ACO2: variants seen among roughly 807,000 people sequenced by gnomAD.
ACO2 encodes aconitase 2.
ACO2 carries 31 observed loss-of-function variants against 84.5 expected under a neutral mutation model. The observed-to-expected ratio is 0.37, with a 90% CI of 0.28 to 0.50. The LOEUF is 0.50. Ranked by LOEUF, ACO2 falls within the 20% of genes least tolerant of loss-of-function variation. The pLI is 0.97. For missense variants in ACO2, 685 were observed against 1,029.3 expected, an observed-to-expected ratio of 0.67 and a Z score of 4.58; for synonymous variants, 414 against 412.7, an observed-to-expected ratio of 1.00 and a Z score of -0.04.
intron 2 of ACO2, among the ~76,000 whole-genome samples, chr22:41,501,035 A>T (rs1229032708): frequency 6.7e-6 from 1 of 148,850 alleles, no homozygotes; most frequent in African/African-American, 2.5e-5. Context: ...ACAGGGTCTC[A>T]CTCTCTTGCC....
chr22:41,497,688 G>T (rs960641685), intron 1 of ACO2, among the ~76,000 whole-genome samples: 1 of 151,836 alleles, frequency 6.6e-6, no homozygotes, highest in African/African-American at 2.4e-5. Flanking sequence ...TTCAAGACTA[G>T]CCTGACCAAT....
In ACO2 at chr22:41,515,867, G is replaced by A; in HGVS notation, c.785G>A (p.Gly262Asp). 6.2e-7 allele frequency: 1 copy of A among 1,614,222 alleles called. No individual in the cohort carries two copies. Among genetic ancestry groups the A allele is most frequent in the Non-Finnish European group, 8.5e-7 (1 of 1,180,044 alleles). ...ATCCTCACGGTGAAAGGTGGCACAG[G>A]TGCAATCGTGGAATACCACGGGCCT... Reference protein sequence around the residue: ...AGILTVKGGTGAIVEYHGPGV... With the variant: ...AGILTVKGGTDAIVEYHGPGV... The change falls in exon 6 of 18, where the codon GGT becomes GAT. Residue 262 changes from glycine to aspartate, a missense_variant. Transcript: ENST00000216254. The surrounding 1 kb of genome is among the most constrained non-coding windows in gnomAD (Gnocchi z 5.8).
chr22:41,507,685 G>T (rs1345625085), intron 2 of ACO2, 106 bp from the exon 3 acceptor site: 6 of 1,479,016 alleles, frequency 4.1e-6, no homozygotes, highest in Non-Finnish European at 5.5e-6. Context: ...CAGACTCCCT[G>T]TCCCTGGCCA....
chr22:41,469,262 G>A, intron 1 of ACO2, 80 bp downstream of exon 1: 1 of 1,527,340 alleles, frequency 6.5e-7, no homozygotes. Context: ...GAGGCAGGGC[G>A]AGGCGGGCCC....
chr22:41,504,286 G>C (rs2146111318), intron 2 of ACO2, among the ~76,000 whole-genome samples: 1 of 152,328 alleles, frequency 6.6e-6, no homozygotes, highest in East Asian at 1.9e-4. Flanking sequence ...CAGGGGACTT[G>C]CTGGGCGACT....
chr22:41,523,232 A>C lies in ACO2; in HGVS notation c.1324A>C (p.Ile442Leu). The C allele has an allele frequency of 6.2e-7, 1 of 1,613,170 alleles. No individual in the cohort carries two copies. Among genetic ancestry groups the C allele is most frequent in the Non-Finnish European group, 8.5e-7 (1 of 1,179,572 alleles). ...ACAGATCTTGAGGGATCTGGGTGGC[A>C]TTGTCCTGGCCAATGCTTGTGGCCC... The part of the protein sequence containing the change: ...YAQILRDLGG[I>L]VLANACGPCI... Residue 442 changes from isoleucine to leucine, a missense_variant, in exon 11 of 18, where the codon ATT becomes CTT. Ile to Leu is a conservative substitution (Grantham distance 5). Around this residue, in one of 5 missense-constraint regions of ACO2, gnomAD observed 311 missense variants for 441.6 expected, o/e 0.70. Coordinates refer to ENST00000216254, the MANE Select transcript of ACO2 (RefSeq NM_001098.3).
At chr22:41,511,821 G>C in intron 3 of ACO2, 55 bp from the exon 4 acceptor site, 5 of 1,406,292 alleles carry the variant, frequency 3.6e-6, no homozygotes, top group Non-Finnish European at 4.9e-6. Context: ...CTTGGTGAGG[G>C]TCACCTGGAC....
At chr22:41,512,543 G>A (rs571763422) in intron 4 of ACO2, among the ~76,000 whole-genome samples, 36 of 152,256 alleles carry the variant, frequency 2.4e-4, no homozygotes, top group Middle Eastern at 6.8e-3. Context: ...GGGCTGGTCT[G>A]GAGCGAGTGC....
chr22:41,500,449 A>G (rs7286459), intron 2 of ACO2, among the ~76,000 whole-genome samples: 6,793 of 151,096 alleles, frequency 0.045, 494 homozygotes, highest in African/African-American at 0.15. Flanking sequence ...CAGTGGTGCA[A>G]TCTTGGCTCA....
Position 41,524,459 on chromosome 22 carries a change from A to G in ACO2, c.1483-387A>G, listed in dbSNP as rs1020158741. Among the ~76,000 whole-genome samples, 41 of 152,100 alleles carry G rather than the reference A, an allele frequency of 2.7e-4. 1 individual carries two copies. The highest frequency in any genetic ancestry group is 1.9e-4 in the East Asian group (1 of 5,172). On this transcript the variant is annotated intron_variant, in intron 12 of 17. Coordinates refer to ENST00000216254, the MANE Select transcript of ACO2 (RefSeq NM_001098.3). ...TTGTTTATCTGCGTGTTCTACAAAT[A>G]TGTCTTGCTAAATGGGTGAAGGAAT...
In ACO2 at chr22:41,478,848, G is replaced by A. The variant is rs1317055480; in HGVS notation, c.36+9666G>A. ...GTGAGTGACACGATCTCTGCTCACT[G>A]CAACCTTTGCCTCTGGGGCTCAAGC... On this transcript the variant is annotated intron_variant, in intron 1 of 17. Transcript: ENST00000216254. Among the ~76,000 whole-genome samples, 3 of 146,836 alleles carry A rather than the reference G, an allele frequency of 2.0e-5. No individual in the cohort carries two copies. In the South Asian group the frequency reaches 6.4e-4, roughly 31 times the overall value.
At chr22:41,514,474 TG>T (rs1880061634) in intron 4 of ACO2, among the ~76,000 whole-genome samples, 1 of 152,136 alleles carries the variant, frequency 6.6e-6, no homozygotes, top group Non-Finnish European at 1.5e-5. Context: ...CCGAGAGAAG[TG>T]ACTTGTCCAT....
At chr22:41,503,314 G>A (rs562047973) in intron 2 of ACO2, among the ~76,000 whole-genome samples, 2 of 151,178 alleles carry the variant, frequency 1.3e-5, no homozygotes, top group East Asian at 1.9e-4. Flanking sequence ...TAGTACAGAC[G>A]AGGGGATTGT....
intron 2 of ACO2, among the ~76,000 whole-genome samples, chr22:41,507,147 AC>A (rs1481644849): frequency 1.3e-5 from 2 of 151,992 alleles, no homozygotes; most frequent in African/African-American, 4.8e-5. Context: ...AGTGGCAGTG[AC>A]CCGGTCTCTG....
intron 1 of ACO2, among the ~76,000 whole-genome samples, chr22:41,478,342 C>T (rs543489382): frequency 1.3e-5 from 2 of 152,034 alleles, no homozygotes; most frequent in Admixed American, 1.3e-4. Flanking sequence ...CAGGGTCTCA[C>T]CCTGTTGGCA....
Position 41,526,354 on chromosome 22 carries a change from C to T in ACO2, c.1854C>T (p.Leu618=), listed in dbSNP as rs758768135. 6.2e-7 allele frequency: 1 copy of T among 1,613,608 alleles called. No homozygotes were observed. The highest frequency in any genetic ancestry group is 2.2e-5 in the East Asian group (1 of 44,888). The change falls in exon 15 of 18, where the codon CTC becomes CTT. Residue 618 remains leucine, a synonymous_variant. Coordinates refer to ENST00000216254, the MANE Select transcript of ACO2 (RefSeq NM_001098.3). ...TGGATAACATCTCCAACAACCTGCT[C>T]ATTGGTGCCATCAACATTGAAAACG... ...GHLDNISNNL[L]IGAINIENGK...
intron 2 of ACO2, among the ~76,000 whole-genome samples, chr22:41,503,277 T>C (rs886622887): frequency 1.3e-5 from 2 of 151,964 alleles, no homozygotes; most frequent in African/African-American, 4.8e-5. Flanking sequence ...TTTTTTAAAG[T>C]CCAATAACTT....
chr22:41,526,934 A>G lies in ACO2; in HGVS notation c.1954-354A>G. On this transcript the variant is annotated intron_variant, in intron 15 of 17. Transcript: ENST00000216254. ...GGTGGGGCAGAGGGTGCTCCCAGGA[A>G]GGGGGCGCCTTGAGCTTCACAGATG... is the stretch of plus-strand genomic sequence containing the variant. The G allele has an allele frequency of 1.1e-5, 4 of 366,986 alleles. No individual in the cohort carries two copies. The South Asian group carries it at 1.3e-4, about 12-fold the overall frequency. 22.7% of individuals were successfully genotyped at this position (366,986 alleles called of 1,614,324 possible).
At chr22:41,508,734 A>T (rs949707381) in intron 3 of ACO2, among the ~76,000 whole-genome samples, 1 of 151,750 alleles carries the variant, frequency 6.6e-6, no homozygotes, top group Non-Finnish European at 1.5e-5. Context: ...GGCTTGTGGG[A>T]CCTTTGTGTC....
Sources: allele counts gnomAD v4.1 joint callset (sites outside exome capture counted in the v4.1 genomes callset), GRCh38; gene constraint gnomAD v4.1.1; regional missense constraint gnomAD v4.1.1; non-coding constraint Gnocchi (gnomAD v3.1); transcripts MANE v1.5; gene names NCBI Gene and HGNC (gene_info 2026-07-23, HGNC 2026-07-21).